SKOR2: variants seen among roughly 807,000 people sequenced by gnomAD.
SKOR2 encodes the protein LBX1 corepressor 1-like protein.
SKOR2 carries 47 observed loss-of-function variants against 69.1 expected under a neutral mutation model. The ratio of observed to expected loss-of-function variants is 0.68; its 90% CI spans 0.54 to 0.87. The LOEUF (loss-of-function observed/expected upper bound fraction) is 0.87. Ranked by LOEUF, SKOR2 falls within the 40% of genes least tolerant of loss-of-function variation. The pLI is 0.00. For missense variants in SKOR2, 1,404 were observed against 1,472.2 expected, an observed-to-expected ratio of 0.95 and a Z score of 0.76; for synonymous variants, 717 against 672.6, an observed-to-expected ratio of 1.07 and a Z score of -1.02.
chr18:47,210,692 A>G (rs2064125210), intron 8 of SKOR2, among the ~76,000 whole-genome samples: 1 of 152,194 alleles, frequency 6.6e-6, no homozygotes, highest in African/African-American at 2.4e-5. Flanking sequence ...ACTTAATAAA[A>G]ATACTTTAAT....
At chr18:47,227,160 TTCCTCCTTTC>T (rs2064181345) in intron 6 of SKOR2, among the ~76,000 whole-genome samples, 1 of 151,796 alleles carries the variant, frequency 6.6e-6, no homozygotes, top group Admixed American at 6.6e-5. Context: ...TTCCTCCTTC[TTCCTCCTTTC>T]CTGCCTCTTC....
intron 7 of SKOR2, among the ~76,000 whole-genome samples, chr18:47,214,184 C>G (rs573543313): frequency 3.3e-5 from 5 of 152,156 alleles, no homozygotes; most frequent in Non-Finnish European, 5.9e-5. Context: ...GTAAACTGCT[C>G]AACCTAATCC....
At chr18:47,211,962 G>T in intron 8 of SKOR2, 124 bp downstream of exon 8, 2 of 844,808 alleles carry the variant, frequency 2.4e-6, no homozygotes, top group South Asian at 6.3e-5. Flanking sequence ...TTGGTATATT[G>T]ACTCAAACAC....
chr18:47,209,584 A>G (rs1380679394), intron 8 of SKOR2, among the ~76,000 whole-genome samples: 1 of 152,222 alleles, frequency 6.6e-6, no homozygotes, highest in African/African-American at 2.4e-5. Context: ...GGATGGAAAC[A>G]AAATCAGCAT....
chr18:47,223,002 G>A (rs895388456), intron 6 of SKOR2, among the ~76,000 whole-genome samples: 1 of 152,080 alleles, frequency 6.6e-6, no homozygotes, highest in East Asian at 1.9e-4. Flanking sequence ...GGCAAAAACT[G>A]AAAAGGAAAA....
At position 47,206,690 on chromosome 18, in the gene SKOR2, T is replaced by TC. The variant is rs1160494591; in HGVS notation, c.*205dup. The TC allele has an allele frequency of 2.6e-5, 4 of 152,074 alleles. No homozygotes were observed. The highest frequency in any genetic ancestry group is 7.3e-5 in the African/African-American group (3 of 41,286). 9.4% of individuals were successfully genotyped at this position (152,074 alleles called of 1,614,324 possible). ...TTGACTGCTCTGGTTGGCTCCCCCC[T>TC]CCCCCCACTAATGAATGGCTGCTAC... is the stretch of plus-strand genomic sequence containing the variant. On this transcript the variant is annotated 3_prime_UTR_variant, in exon 9 of 9. Transcript: ENST00000425639.
chr18:47,230,407 T>C (rs1021228966), intron 6 of SKOR2, 52 bp downstream of exon 6: 1 of 1,093,070 alleles, frequency 9.1e-7, no homozygotes, highest in Non-Finnish European at 1.2e-6. Context: ...AGCCTAATAA[T>C]AGAAACGTAA....
chr18:47,230,651 A>G, intron 5 of SKOR2, 94 bp from the exon 6 acceptor site: 2 of 848,568 alleles, frequency 2.4e-6, no homozygotes, highest in South Asian at 2.8e-5. Flanking sequence ...AAGACAAAAT[A>G]TTTTACCAGT....
chr18:47,249,052 C>A lies in SKOR2; in HGVS notation c.132G>T (p.Val44=), dbSNP rs547709375. The A allele has an allele frequency of 1.3e-6, 2 of 1,537,370 alleles. No homozygotes were observed. The highest frequency in any genetic ancestry group is 2.4e-5 in the South Asian group (2 of 84,086). The change falls in exon 2 of 9, where the codon GTG becomes GTT. Residue 44 remains valine, a synonymous_variant. Transcript: ENST00000425639. ...ACACGATGGGAATGCCGTAGAGGAT[C>A]ACCTGGCCCACCTGGTTGGGTTTGA... ...ANLKPNQVGQ[V]ILYGIPIVSL...
chr18:47,219,060 C>A (rs1456264447), intron 7 of SKOR2, among the ~76,000 whole-genome samples: 1 of 152,188 alleles, frequency 6.6e-6, no homozygotes, highest in South Asian at 2.1e-4. Flanking sequence ...GCTCTGTAGA[C>A]AAGACAGGCA....
intron 8 of SKOR2, 59 bp downstream of exon 8, chr18:47,212,027 T>C: frequency 1.1e-5 from 14 of 1,223,474 alleles, no homozygotes; most frequent in Non-Finnish European, 1.4e-5. Flanking sequence ...ATAAAGAATA[T>C]GTTCAAGCAC....
chr18:47,247,067 G>A lies in SKOR2; in HGVS notation c.2117C>T (p.Pro706Leu), dbSNP rs2064279229. 7.2e-7 allele frequency: 1 copy of A among 1,392,330 alleles called. No homozygotes were observed. The highest frequency in any genetic ancestry group is 1.6e-5 in the South Asian group (1 of 61,534). 86.2% of individuals were successfully genotyped at this position (1,392,330 alleles called of 1,614,324 possible). Residue 706 changes from proline to leucine, a missense_variant, in exon 2 of 9, where the codon CCT becomes CTT. Physicochemically the swap from Pro to Leu is moderately conservative, Grantham distance 98. Coordinates refer to ENST00000425639, the MANE Select transcript of SKOR2 (RefSeq NM_001278063.4). The surrounding 1 kb of genome is among the most constrained non-coding windows in gnomAD (Gnocchi z 6.6). Reference sequence around the variant, plus strand: ...TCGGTGGTGCGGGTGCTGGGCCAGAGGGGGCGGCGGGGGCGGCGGCGGCGG... The same window carrying A: ...TCGGTGGTGCGGGTGCTGGGCCAGAAGGGGCGGCGGGGGCGGCGGCGGCGG... ...PPPPPPPPPPPLAQHPHHRGL... is the reference protein window; with the variant it reads ...PPPPPPPPPPLLAQHPHHRGL...
intron 4 of SKOR2, among the ~76,000 whole-genome samples, chr18:47,232,169 A>G (rs1223408140): frequency 6.6e-6 from 1 of 152,154 alleles, no homozygotes; most frequent in Non-Finnish European, 1.5e-5. Context: ...GTAAAAAAAA[A>G]TTAAAAATCA....
rs1475395651 is a variant in SKOR2 at position 47,248,484 on chromosome 18, T to A, written c.700A>T (p.Met234Leu). The A allele has an allele frequency of 6.6e-7, 1 of 1,526,202 alleles. No individual in the cohort carries two copies. Among genetic ancestry groups the A allele is most frequent in the Non-Finnish European group, 8.8e-7 (1 of 1,140,794 alleles). The allele number at this position is 1,526,202 out of a possible 1,614,324, so 94.5% of individuals were successfully genotyped here. Residue 234 changes from methionine to leucine, a missense_variant, in exon 2 of 9, where the codon ATG becomes TTG. This residue lies in a region of SKOR2 where 1,266 missense variants were observed against 1,309.9 expected (regional missense o/e 0.97). Coordinates refer to ENST00000425639, the MANE Select transcript of SKOR2 (RefSeq NM_001278063.4). This position sits in a 1 kb window ranked among gnomAD's most constrained non-coding sequence, Gnocchi z 6.4. ...LVFAWEDVKA[M>L]FNGGSRKRAL... is the part of the protein sequence containing the mutation. ...CGCTTGCGGCTGCCGCCGTTGAACATGGCCTTGACGTCCTCCCAGGCGAAG... is the reference window on the plus strand; with the variant it reads ...CGCTTGCGGCTGCCGCCGTTGAACAAGGCCTTGACGTCCTCCCAGGCGAAG...
chr18:47,217,034 A>C (rs1244843085), intron 7 of SKOR2, among the ~76,000 whole-genome samples: 1 of 152,222 alleles, frequency 6.6e-6, no homozygotes, highest in Non-Finnish European at 1.5e-5. Flanking sequence ...TGACAGATAC[A>C]TCAGGCTGAA....
Position 47,248,904 on chromosome 18 carries a change from A to T in SKOR2, c.280T>A (p.Cys94Ser). 6.4e-7 allele frequency: 1 copy of T among 1,570,398 alleles called. No homozygotes were observed. The highest frequency in any genetic ancestry group is 8.6e-7 in the Non-Finnish European group (1 of 1,165,514). The change falls in exon 2 of 9, where the codon TGC (cysteine) becomes AGC (serine). Residue 94 changes from cysteine (C) to serine (S), a missense_variant. Cys to Ser is a moderately radical substitution (Grantham distance 112). Transcript: ENST00000425639. The surrounding 1 kb of genome is among the most constrained non-coding windows in gnomAD (Gnocchi z 6.4). ...RVALGITCVQ[C>S]TPVQLEILRR... ...AGGATCTCCAGTTGCACCGGCGTGC[A>T]CTGCACACACGTGATGCCCAGTGCC...
At chr18:47,228,703 T>A (rs560240289) in intron 6 of SKOR2, among the ~76,000 whole-genome samples, 1 of 152,226 alleles carries the variant, frequency 6.6e-6, no homozygotes, top group Non-Finnish European at 1.5e-5. Flanking sequence ...GGCAAGGAAC[T>A]GTGCAGTCTT....
Position 47,247,725 on chromosome 18 carries a change from G to C in SKOR2, c.1459C>G (p.Pro487Ala). Residue 487 changes from proline (P) to alanine (A), a missense_variant, in exon 2 of 9, where the codon CCC becomes GCC. By Grantham distance (27) the Pro-to-Ala change is conservative. Around this residue, in one of 3 missense-constraint regions of SKOR2, gnomAD observed 1,266 missense variants for 1,309.9 expected, o/e 0.97. Coordinates refer to ENST00000425639, the MANE Select transcript of SKOR2 (RefSeq NM_001278063.4). This position sits in a 1 kb window ranked among gnomAD's most constrained non-coding sequence, Gnocchi z 6.6. ...AGCGCCGAGGGCGGCTGAGGCGGGG[G>C]CTGCAGGTAGGTGGGCACCGGGAGC... ...GGLPVPTYLQ[P>A]PPQPPSALGC... The C allele has an allele frequency of 7.3e-7, 1 of 1,362,872 alleles. No homozygotes were observed. Among genetic ancestry groups the C allele is most frequent in the East Asian group, 3.1e-5 (1 of 32,242 alleles). 84.4% of individuals were successfully genotyped at this position (1,362,872 alleles called of 1,614,324 possible).
In SKOR2 at chr18:47,248,099, A is replaced by G. The variant is rs752069963; in HGVS notation, c.1085T>C (p.Val362Ala). 5.0e-5 allele frequency: 67 copies of G among 1,351,844 alleles called. 1 individual carries two copies. Among genetic ancestry groups the G allele is most frequent in the Middle Eastern group, 5.2e-4 (2 of 3,828 alleles). The allele number at this position is 1,351,844 out of a possible 1,614,324, so 83.7% of individuals were successfully genotyped here. A position where few individuals can be genotyped will look rare whatever the true frequency, so the allele number is the denominator to read the frequency against. The change falls in exon 2 of 9, where the codon GTG becomes GCG. Residue 362 changes from valine to alanine, a missense_variant. By Grantham distance (64) the Val-to-Ala change is moderately conservative (BLOSUM62 0). Coordinates refer to ENST00000425639, the MANE Select transcript of SKOR2 (RefSeq NM_001278063.4). The surrounding 1 kb of genome is among the most constrained non-coding windows in gnomAD (Gnocchi z 6.4). ...AGGGCVAGVGVGAGAGAGAGA... is the reference protein window; with the variant it reads ...AGGGCVAGVGAGAGAGAGAGA... ...GGCACCCGCCCCCGCGCCCGCGCCCACGCCCACGCCGGCCACACAGCCACC... is the reference window on the plus strand; with the variant it reads ...GGCACCCGCCCCCGCGCCCGCGCCCGCGCCCACGCCGGCCACACAGCCACC...
Sources: gnomAD v4.1 joint callset for allele counts (sites outside exome capture counted in the v4.1 genomes callset) on GRCh38, gnomAD v4.1.1 for gene constraint, gnomAD v4.1.1 regional missense constraint, Gnocchi (gnomAD v3.1) non-coding constraint, MANE v1.5 for transcripts, NCBI Gene and HGNC (gene_info 2026-07-23, HGNC 2026-07-21) for gene names.